Variants in LARGE1 observed in about 807,000 individuals in gnomAD.
LARGE1 encodes the protein LARGE xylosyl- and glucuronyltransferase 1.
LARGE1 carries 43 observed loss-of-function variants against 87.6 expected under a neutral mutation model. The observed-to-expected ratio is 0.49, with a 90% CI of 0.38 to 0.63. The LOEUF (loss-of-function observed/expected upper bound fraction) is 0.63. LARGE1 is among the 30% of genes least tolerant of loss of function. The pLI is 0.00. For missense variants in LARGE1, 802 were observed against 1,000.2 expected (o/e 0.80, Z 2.67); for synonymous variants, 434 against 394.6 (o/e 1.10, Z -1.18).
At chr22:33,169,899 C>A (rs10483170) in intron 11 of LARGE1, among the ~76,000 whole-genome samples, 1 of 151,916 alleles carries the variant, frequency 6.6e-6, no homozygotes, top group Non-Finnish European at 1.5e-5. Context: ...ACTGAGACAC[C>A]AGGGAAATCC....
chr22:33,464,043 C>G (rs1232127751), intron 6 of LARGE1, among the ~76,000 whole-genome samples: 1 of 152,094 alleles, frequency 6.6e-6, no homozygotes, highest in African/African-American at 2.4e-5. Flanking sequence ...AAAACTAGCA[C>G]TACTAGCTAT....
chr22:33,130,278 C>T, the LARGE1 span, among the ~76,000 whole-genome samples: 1 of 138,924 alleles, frequency 7.2e-6, no homozygotes, highest in African/African-American at 2.8e-5. Flanking sequence ...AGCGCCACTG[C>T]ACTCCAGCCT....
rs9621768 is a variant in LARGE1 at position 33,784,588 on chromosome 22, T to C, written c.-82-23030A>G. Reference sequence around the variant, plus strand: ...CCAGTTCAGAGTTTAGGTGCTCCGGTGCAAGATCAATAATGTATTGAAAAG... The same window carrying C: ...CCAGTTCAGAGTTTAGGTGCTCCGGCGCAAGATCAATAATGTATTGAAAAG... On this transcript the variant is annotated intron_variant, in intron 1 of 14. Coordinates refer to ENST00000397394, the MANE Select transcript of LARGE1 (RefSeq NM_133642.5). Among the ~76,000 whole-genome samples, 800 of 152,250 alleles carry C rather than the reference T, an allele frequency of 5.3e-3. 10 individuals carry two copies. The highest frequency in any genetic ancestry group is 0.019 in the African/African-American group (775 of 41,538).
At chr22:33,108,925 A>C in the LARGE1 span, among the ~76,000 whole-genome samples, 1 of 152,140 alleles carries the variant, frequency 6.6e-6, no homozygotes, top group African/African-American at 2.4e-5. Flanking sequence ...CATTTAGGCA[A>C]GTAGCTTAAT....
chr22:33,135,180 T>G, the LARGE1 span, among the ~76,000 whole-genome samples: 1 of 152,200 alleles, frequency 6.6e-6, no homozygotes, highest in African/African-American at 2.4e-5. Context: ...TCATTTCCTT[T>G]CCAGGTTGGC....
chr22:33,628,561 T>A (rs925248349), intron 3 of LARGE1, among the ~76,000 whole-genome samples: 3 of 152,038 alleles, frequency 2.0e-5, no homozygotes, highest in African/African-American at 7.2e-5. Flanking sequence ...AGTGATCCAC[T>A]CACCTTGACC....
At chr22:33,740,554 T>C (rs535253488) in intron 2 of LARGE1, among the ~76,000 whole-genome samples, 1 of 152,350 alleles carries the variant, frequency 6.6e-6, no homozygotes, top group South Asian at 2.1e-4. Context: ...TCTTAGTGTC[T>C]TTCTCGGACT....
At chr22:33,131,960 G>C in the LARGE1 span, among the ~76,000 whole-genome samples, 4 of 152,020 alleles carry the variant, frequency 2.6e-5, no homozygotes, top group East Asian at 5.8e-4. Flanking sequence ...TTACATGGAT[G>C]TGCAGAAAAA....
At chr22:33,907,430 A>G (rs1034649150) in intron 1 of LARGE1, among the ~76,000 whole-genome samples, 1 of 152,332 alleles carries the variant, frequency 6.6e-6, no homozygotes, top group South Asian at 2.1e-4. Context: ...TTCTCCATCA[A>G]TTATGACTGC....
chr22:33,710,000 A>AG (rs2082684359), intron 2 of LARGE1, among the ~76,000 whole-genome samples: 1 of 144,540 alleles, frequency 6.9e-6, no homozygotes, highest in South Asian at 2.2e-4. Flanking sequence ...AAAAAAAAAA[A>AG]GGAAAACTTC....
chr22:33,640,244 G>T (rs1396828656), intron 3 of LARGE1, among the ~76,000 whole-genome samples: 1 of 152,206 alleles, frequency 6.6e-6, no homozygotes, highest in Non-Finnish European at 1.5e-5. Context: ...GAGAGGAAGT[G>T]CACTGCTCAT....
intron 1 of LARGE1, among the ~76,000 whole-genome samples, chr22:33,866,288 T>C (rs1426998130): frequency 1.3e-5 from 2 of 152,200 alleles, no homozygotes; most frequent in Admixed American, 6.5e-5. Context: ...AGACAGCATA[T>C]AGGGGGCTGT....
intron 2 of LARGE1, among the ~76,000 whole-genome samples, chr22:33,740,093 C>T (rs1411349688): frequency 3.3e-5 from 5 of 152,132 alleles, no homozygotes; most frequent in African/African-American, 1.2e-4. Flanking sequence ...ATCTGGCATA[C>T]GATCTCAGCA....
intron 6 of LARGE1, among the ~76,000 whole-genome samples, chr22:33,466,437 T>C (rs905681768): frequency 1.3e-5 from 2 of 151,892 alleles, no homozygotes; most frequent in Non-Finnish European, 2.9e-5. Context: ...CTATGACTTA[T>C]TATTTCTAGG....
intron 5 of LARGE1, among the ~76,000 whole-genome samples, chr22:33,571,367 G>T (rs963182327): frequency 2.0e-5 from 3 of 152,140 alleles, no homozygotes; most frequent in Non-Finnish European, 4.4e-5. Flanking sequence ...GATGCCAGGT[G>T]GTCCACAGAG....
At chr22:33,842,085 C>T (rs1398591507) in intron 1 of LARGE1, among the ~76,000 whole-genome samples, 3 of 152,170 alleles carry the variant, frequency 2.0e-5, no homozygotes, top group African/African-American at 7.2e-5. Context: ...TTATCGAAAT[C>T]GAAATCCCTT....
intron 6 of LARGE1, among the ~76,000 whole-genome samples, chr22:33,506,541 C>T (rs1018926331): frequency 6.6e-6 from 1 of 152,184 alleles, no homozygotes; most frequent in Admixed American, 6.5e-5. Context: ...TTTCTTACGT[C>T]AAAAGTGGAG....
chr22:33,753,451 G>A (rs554860109), intron 2 of LARGE1, among the ~76,000 whole-genome samples: 1 of 152,266 alleles, frequency 6.6e-6, no homozygotes, highest in South Asian at 2.1e-4. Flanking sequence ...GCCTACAGAA[G>A]GAACCAGCCT....
chr22:33,343,356 G>C (rs575246950), intron 9 of LARGE1, among the ~76,000 whole-genome samples: 2 of 152,282 alleles, frequency 1.3e-5, no homozygotes, highest in African/African-American at 4.8e-5. Context: ...CTAAACTGAA[G>C]TGAGCCTCCT....
Sources: gnomAD v4.1 joint callset for allele counts (sites outside exome capture counted in the v4.1 genomes callset) on GRCh38, gnomAD v4.1.1 for gene constraint, MANE v1.5 for transcripts, NCBI Gene and HGNC (gene_info 2026-07-23, HGNC 2026-07-21) for gene names.